The following PDE5A variants were observed in gnomAD, a reference collection of about 807,000 sequenced individuals.
PDE5A encodes phosphodiesterase 5A.
PDE5A carries 67 observed loss-of-function variants against 110.2 expected under a neutral mutation model. The observed-to-expected ratio is 0.61, with a 90% CI of 0.50 to 0.75. The LOEUF (loss-of-function observed/expected upper bound fraction) is 0.75. Ranked by LOEUF, PDE5A falls within the 30% of genes least tolerant of loss-of-function variation. The probability of loss-of-function intolerance (pLI) is 0.00; values close to 1 mark genes in which losing one functional copy is unlikely to be tolerated. For missense variants in PDE5A, 862 were observed against 1,045.1 expected (o/e 0.82, Z 2.42); for synonymous variants, 328 against 351.2 (o/e 0.93, Z 0.74).
At chr4:119,499,978 A>ATG (rs138311580) in intron 20 of PDE5A, 2 of 151,974 alleles carry the variant, frequency 1.3e-5, no homozygotes, top group Non-Finnish European at 2.9e-5. Context: ...GTGTGTATAT[A>ATG]TATATATATA....
intron 11 of PDE5A, 88 bp downstream of exon 11, chr4:119,538,869 ATTT>A (rs1428286205): frequency 2.1e-6 from 2 of 947,106 alleles, no homozygotes; most frequent in Non-Finnish European, 3.5e-6. Flanking sequence ...TTAATTAAAC[ATTT>A]TTATAAGTAT....
At chr4:119,618,541 A>T (rs1730021985) in intron 1 of PDE5A, among the ~76,000 whole-genome samples, 1 of 152,126 alleles carries the variant, frequency 6.6e-6, no homozygotes, top group Non-Finnish European at 1.5e-5. Context: ...TGAATTTCAT[A>T]TTAAGATTAG....
At chr4:119,529,853 T>G (rs1256674104) in intron 11 of PDE5A, among the ~76,000 whole-genome samples, 2 of 152,124 alleles carry the variant, frequency 1.3e-5, no homozygotes, top group African/African-American at 4.8e-5. Flanking sequence ...CTGATGAGTT[T>G]GAAGGCAGAG....
At chr4:119,517,108 A>C (rs548834825) in intron 14 of PDE5A, 2 of 152,354 alleles carry the variant, frequency 1.3e-5, no homozygotes, top group South Asian at 4.1e-4. Flanking sequence ...CTTCCAAGGT[A>C]ATTTCAGGGT....
At chr4:119,599,734 C>CACAA (rs899364689) in intron 2 of PDE5A, among the ~76,000 whole-genome samples, 2 of 151,708 alleles carry the variant, frequency 1.3e-5, no homozygotes, top group African/African-American at 4.8e-5. Flanking sequence ...CACACACACA[C>CACAA]ACACACACAC....
intron 1 of PDE5A, among the ~76,000 whole-genome samples, chr4:119,611,127 C>T (rs1029415513): frequency 6.6e-6 from 1 of 152,192 alleles, no homozygotes; most frequent in Non-Finnish European, 1.5e-5. Context: ...TGATCCACTT[C>T]CACATCCCCT....
intron 12 of PDE5A, among the ~76,000 whole-genome samples, chr4:119,524,974 G>A (rs891248059): frequency 6.6e-6 from 1 of 151,954 alleles, no homozygotes; most frequent in Non-Finnish European, 1.5e-5. Flanking sequence ...TCACCCATAT[G>A]GGTGACCCTG....
rs541780535 is a variant in PDE5A at position 119,536,774 on chromosome 4, A to C, written c.1632+2186T>G. 2.0e-5 allele frequency among the ~76,000 whole-genome samples: 3 copies of C among 152,224 alleles called. No individual in the cohort carries two copies. The East Asian group carries it at 5.8e-4, about 29-fold the overall frequency. On this transcript the variant is annotated intron_variant, in intron 11 of 20. Transcript: ENST00000354960. ...ACTTACTCTCTCTCCAGTGCTGTGC[A>C]ATCTTGTGTGGGCTCTGGATCCAGA...
intron 3 of PDE5A, among the ~76,000 whole-genome samples, chr4:119,592,060 G>T (rs1323714325): frequency 6.9e-6 from 1 of 145,894 alleles, no homozygotes; most frequent in Non-Finnish European, 1.5e-5. Flanking sequence ...TGAGGCAGGA[G>T]AATTGCTTGA....
chr4:119,562,785 A>G (rs1727787266), intron 6 of PDE5A, 48 bp downstream of exon 6: 4 of 1,438,346 alleles, frequency 2.8e-6, no homozygotes, highest in South Asian at 3.1e-5. Context: ...TTATAGAAAT[A>G]TAAGTTTCTG....
At position 119,565,310 on chromosome 4, in the gene PDE5A, A is replaced by C. The variant is rs528315199; in HGVS notation, c.993+11T>G. On this transcript the variant is annotated intron_variant, in intron 5 of 20. Transcript: ENST00000354960. The stretch of plus-strand genomic sequence containing the variant: ...GTATTTCTATGCACTTTCTTTAGTA[A>C]TCAGACTGACCTGATTTCTCTTGTT... 19 of 1,578,652 alleles carry C rather than the reference A, an allele frequency of 1.2e-5. No individual in the cohort carries two copies. In the South Asian group the frequency reaches 2.0e-4, roughly 17 times the overall value.
In PDE5A at chr4:119,504,560, T is replaced by C; in HGVS notation, c.2307A>G (p.Thr769=). The change falls in exon 18 of 21, where the codon ACA becomes ACG. Residue 769 remains threonine (T), a synonymous_variant. Coordinates refer to ENST00000354960, the MANE Select transcript of PDE5A (RefSeq NM_001083.4). ...LMTACDLSAI[T]KPWPIQQRIA... ...CCCGTTGTTGAATAGGCCAGGGTTTTGTAATTGCAGAAAGATCACAAGCTG... is the reference window on the plus strand; with the variant it reads ...CCCGTTGTTGAATAGGCCAGGGTTTCGTAATTGCAGAAAGATCACAAGCTG... 11 of 1,612,524 alleles carry C rather than the reference T, an allele frequency of 6.8e-6. No individual in the cohort carries two copies. Among genetic ancestry groups the C allele is most frequent in the Non-Finnish European group, 9.3e-6 (11 of 1,179,028 alleles).
At chr4:119,506,332 A>G (rs1725553024) in intron 16 of PDE5A, among the ~76,000 whole-genome samples, 1 of 151,858 alleles carries the variant, frequency 6.6e-6, no homozygotes, top group Non-Finnish European at 1.5e-5. Flanking sequence ...GGATAAAAAT[A>G]TCTAAAGTTG....
At chr4:119,504,440 A>T in intron 18 of PDE5A, 96 bp downstream of exon 18, 1 of 885,332 alleles carries the variant, frequency 1.1e-6, no homozygotes, top group Non-Finnish European at 1.8e-6. Context: ...TTATATAGTC[A>T]TTTATTTTTC....
chr4:119,593,109 T>C (rs1729037558), intron 3 of PDE5A, among the ~76,000 whole-genome samples: 1 of 152,234 alleles, frequency 6.6e-6, no homozygotes, highest in South Asian at 2.1e-4. Flanking sequence ...TAAGGGGAAC[T>C]CTCATACACT....
chr4:119,531,012 A>T (rs2110477995), intron 11 of PDE5A, among the ~76,000 whole-genome samples: 1 of 152,276 alleles, frequency 6.6e-6, no homozygotes, highest in African/African-American at 2.4e-5. Flanking sequence ...AATCATTAAG[A>T]TTTGATTCTC....
chr4:119,518,251 A>T (rs1725987054), intron 14 of PDE5A, among the ~76,000 whole-genome samples: 1 of 152,240 alleles, frequency 6.6e-6, no homozygotes, highest in South Asian at 2.1e-4. Flanking sequence ...GAGATCTTGC[A>T]CTTAAAATGT....
In PDE5A at chr4:119,525,708, A is replaced by C. The variant is rs751777334; in HGVS notation, c.1633-13T>G. The C allele has an allele frequency of 3.9e-6, 6 of 1,552,674 alleles. No individual in the cohort carries two copies. In the African/African-American group the frequency reaches 1.0e-4, roughly 27 times the overall value. ...GCACCACAGCAGCCTTGGGTAAGGA[A>C]AGAAGAAAAAAAAAAATGCTGTTAA... On this transcript the variant is annotated splice_polypyrimidine_tract_variant and intron_variant, in intron 11 of 20. Transcript: ENST00000354960. This position sits in a 1 kb window ranked among gnomAD's most constrained non-coding sequence, Gnocchi z 4.3.
intron 13 of PDE5A, chr4:119,519,414 A>G: frequency 5.8e-6 from 2 of 343,956 alleles, no homozygotes; most frequent in Admixed American, 9.3e-5. Context: ...AAGTATTGCT[A>G]ATTCTTAATT....
Sources: gnomAD v4.1 joint callset for allele counts (sites outside exome capture counted in the v4.1 genomes callset) on GRCh38, gnomAD v4.1.1 for gene constraint, Gnocchi (gnomAD v3.1) non-coding constraint, MANE v1.5 for transcripts, NCBI Gene and HGNC (gene_info 2026-07-23, HGNC 2026-07-21) for gene names.